NR5A2: variants seen among roughly 807,000 people sequenced by gnomAD.
The protein encoded by NR5A2 is nuclear receptor subfamily 5 group A member 2, also known as CYP7A promoter-binding factor.
In NR5A2, 26 loss-of-function variants were observed where a neutral mutation model predicts 62.7. That is an observed-to-expected ratio of 0.41 (90% confidence interval 0.30 to 0.58). The LOEUF is 0.58. Ranked by LOEUF, NR5A2 falls within the 20% of genes least tolerant of loss-of-function variation. NR5A2 has a pLI of 0.22. For synonymous variants in NR5A2, 246 were observed against 241.7 expected (o/e 1.02, Z -0.16); for missense variants, 541 against 669.1 (o/e 0.81, Z 2.11).
Position 200,048,684 on chromosome 1 carries a change from T to C in NR5A2, c.976T>C (p.Leu326=). The C allele has an allele frequency of 6.2e-7, 1 of 1,614,252 alleles. No homozygotes were observed. Among genetic ancestry groups the C allele is most frequent in the Non-Finnish European group, 8.5e-7 (1 of 1,180,040 alleles). Residue 326 remains leucine (L), a synonymous_variant, in exon 5 of 8, where the codon TTG becomes CTG. Coordinates refer to ENST00000367362, the MANE Select transcript of NR5A2 (RefSeq NM_205860.3). This position sits in a 1 kb window ranked among gnomAD's most constrained non-coding sequence, Gnocchi z 4.8. ...PQVQAKIMAY[L]QQEQANRSKH... is the part of the protein sequence containing the mutation. The stretch of plus-strand genomic sequence containing the variant: ...AGTCCAGGCTAAAATCATGGCCTAT[T>C]TGCAGCAAGAGCAGGCTAACCGAAG...
chr1:200,120,420 T>C (rs1156909203), intron 6 of NR5A2, among the ~76,000 whole-genome samples: 1 of 152,236 alleles, frequency 6.6e-6, no homozygotes. Flanking sequence ...GCATATATAC[T>C]TGAAAAATTT....
chr1:200,134,503 G>A (rs1188954612), intron 7 of NR5A2, among the ~76,000 whole-genome samples: 1 of 152,212 alleles, frequency 6.6e-6, no homozygotes, highest in Non-Finnish European at 1.5e-5. Flanking sequence ...TAGCCTAGGA[G>A]CAATAGGCTT....
intron 1 of NR5A2, chr1:200,038,805 C>G: frequency 7.7e-7 from 1 of 1,294,494 alleles, no homozygotes; most frequent in Non-Finnish European, 1.0e-6. Flanking sequence ...TCCCCCCGCC[C>G]CGGGCCAGGG....
chr1:200,174,261 T>C lies in NR5A2; in HGVS notation c.*51T>C, dbSNP rs1436326543. ...TCAAAACAAAAAGAGATTGGGGGAG[T>C]GGGGAGGGGGAAGAAGAACAGGAAG... On this transcript the variant is annotated 3_prime_UTR_variant, in exon 8 of 8. Transcript: ENST00000367362. The C allele has an allele frequency of 1.0e-5, 15 of 1,460,002 alleles. No homozygotes were observed. In the African/African-American group the frequency reaches 1.6e-4, roughly 15 times the overall value. 90.4% of individuals were successfully genotyped at this position (1,460,002 alleles called of 1,614,324 possible).
At chr1:200,169,370 G>A (rs1477981084) in intron 7 of NR5A2, among the ~76,000 whole-genome samples, 1 of 152,088 alleles carries the variant, frequency 6.6e-6, no homozygotes. Context: ...CACTCCATGT[G>A]AGCCTCACAG....
At chr1:200,125,116 T>C (rs577800418) in intron 7 of NR5A2, among the ~76,000 whole-genome samples, 5 of 152,316 alleles carry the variant, frequency 3.3e-5, no homozygotes, top group African/African-American at 1.2e-4. Flanking sequence ...TCCCAGTTTA[T>C]GAGAGGAGAT....
At chr1:200,103,405 C>A (rs1665490446) in intron 5 of NR5A2, among the ~76,000 whole-genome samples, 1 of 152,106 alleles carries the variant, frequency 6.6e-6, no homozygotes, top group Non-Finnish European at 1.5e-5. Context: ...CGGATGTGAG[C>A]CACCGTGCCT....
intron 5 of NR5A2, among the ~76,000 whole-genome samples, chr1:200,100,267 C>A (rs1379484472): frequency 6.6e-6 from 1 of 152,196 alleles, no homozygotes. Context: ...GAACATTTTG[C>A]ATCACCTGAA....
At chr1:200,144,221 T>TCACACACA (rs755056555) in intron 7 of NR5A2, among the ~76,000 whole-genome samples, 6 of 39,034 alleles carry the variant, frequency 1.5e-4, no homozygotes, top group Non-Finnish European at 1.2e-4. Context: ...TGTTTCTCTC[T>TCACACACA]CTCTCTCTCT....
At chr1:200,098,277 G>T (rs903417480) in intron 5 of NR5A2, among the ~76,000 whole-genome samples, 1 of 152,156 alleles carries the variant, frequency 6.6e-6, no homozygotes, top group African/African-American at 2.4e-5. Flanking sequence ...ATCGGAAGGA[G>T]TGTCTATCTA....
At chr1:200,106,177 C>T (rs1447625887) in intron 5 of NR5A2, among the ~76,000 whole-genome samples, 1 of 151,908 alleles carries the variant, frequency 6.6e-6, no homozygotes, top group Non-Finnish European at 1.5e-5. Flanking sequence ...CCTGCCTCAG[C>T]CTCCTAAATA....
chr1:200,147,694 G>A lies in NR5A2; in HGVS notation c.1379-26269G>A, dbSNP rs767047511. ...GAAGACATGGGTGGACTTGGGCTCCGAGGCGATCTCCTCCAGCTCCTCCCT... is the reference window on the plus strand; with the variant it reads ...GAAGACATGGGTGGACTTGGGCTCCAAGGCGATCTCCTCCAGCTCCTCCCT... On this transcript the variant is annotated intron_variant, in intron 7 of 7. Transcript: ENST00000367362. This position sits in a 1 kb window ranked among gnomAD's most constrained non-coding sequence, Gnocchi z 4.9. The A allele has an allele frequency of 1.3e-4, 87 of 677,424 alleles. No individual in the cohort carries two copies. Among genetic ancestry groups the A allele is most frequent in the Non-Finnish European group, 2.2e-4 (78 of 357,348 alleles). The allele number at this position is 677,424 out of a possible 1,614,324, so 42.0% of individuals were successfully genotyped here.
chr1:200,144,233 T>TCTCTCTCACACA (rs1446217306), intron 7 of NR5A2, among the ~76,000 whole-genome samples: 2 of 80,028 alleles, frequency 2.5e-5, no homozygotes, highest in African/African-American at 8.4e-5. Context: ...TCTCTCTCTC[T>TCTCTCTCACACA]CACACACACA....
chr1:200,128,687 G>T (rs1245683008), intron 7 of NR5A2, among the ~76,000 whole-genome samples: 3 of 152,130 alleles, frequency 2.0e-5, no homozygotes, highest in African/African-American at 7.2e-5. Flanking sequence ...GCTCCCTGGG[G>T]CAGGGCAGGG....
chr1:200,095,078 G>T (rs1665017574), intron 5 of NR5A2, among the ~76,000 whole-genome samples: 1 of 151,550 alleles, frequency 6.6e-6, no homozygotes, highest in South Asian at 2.1e-4. Flanking sequence ...GAGGAAGAGG[G>T]TATAGTTTAC....
chr1:200,142,227 C>G (rs1667475957), intron 7 of NR5A2, among the ~76,000 whole-genome samples: 1 of 113,474 alleles, frequency 8.8e-6, no homozygotes, highest in African/African-American at 3.4e-5. Context: ...TAAGATGGAG[C>G]CTTGCTCTGT....
At position 200,100,662 on chromosome 1, in the gene NR5A2, C is replaced by T. The variant is rs181974805; in HGVS notation, c.1111-10540C>T. On this transcript the variant is annotated intron_variant, in intron 5 of 7. Transcript: ENST00000367362. ...TTCTTAACATTGCCATCAGCGTACA[C>T]TGAGGGCATTCAAAAGAACACTCTC... is the stretch of plus-strand genomic sequence containing the variant. Among the ~76,000 whole-genome samples, 198 of 152,302 alleles carry T rather than the reference C, an allele frequency of 1.3e-3. 1 individual carries two copies. The highest frequency in any genetic ancestry group is 4.6e-3 in the African/African-American group (192 of 41,568).
At chr1:200,096,689 G>A (rs556747843) in intron 5 of NR5A2, among the ~76,000 whole-genome samples, 12 of 152,266 alleles carry the variant, frequency 7.9e-5, no homozygotes, top group East Asian at 1.9e-4. Context: ...ACAGTACATC[G>A]TGCACAGCAT....
chr1:200,080,082 G>A (rs919948702), intron 5 of NR5A2, among the ~76,000 whole-genome samples: 3 of 152,126 alleles, frequency 2.0e-5, no homozygotes, highest in African/African-American at 7.2e-5. Context: ...TTTCCAAAAA[G>A]TTTGAGGTGA....
Sources: gnomAD v4.1 joint callset for allele counts (sites outside exome capture counted in the v4.1 genomes callset) on GRCh38, gnomAD v4.1.1 for gene constraint, Gnocchi (gnomAD v3.1) non-coding constraint, MANE v1.5 for transcripts, NCBI Gene and HGNC (gene_info 2026-07-23, HGNC 2026-07-21) for gene names.